The following TCERG1 variants were observed in gnomAD, a reference collection of about 807,000 sequenced individuals.
TCERG1 encodes TATA box binding protein (TBP)-associated factor, RNA polymerase II, S, 150kD.
A neutral mutation model predicts 144.7 loss-of-function variants in TCERG1; 37 were observed. That is an observed-to-expected ratio of 0.26 (90% CI 0.20 to 0.34). TCERG1 has a LOEUF of 0.34. Among genes scored for constraint, TCERG1 ranks in the 10% least tolerant of loss-of-function variants. The pLI is 1.00. For synonymous variants in TCERG1, 492 were observed against 458.2 expected, an observed-to-expected ratio of 1.07 and a Z score of -0.94; for missense variants, 1,027 against 1,380.7, an observed-to-expected ratio of 0.74 and a Z score of 4.06.
intron 17 of TCERG1, chr5:146,499,806 G>GTTATATTTA (rs1238989020): frequency 1.3e-5 from 2 of 152,050 alleles, no homozygotes; most frequent in Non-Finnish European, 2.9e-5. Context: ...ACTATTTTAT[G>GTTATATTTA]TATTCTGTTT....
At chr5:146,483,682 TTTAAATTA>T in intron 15 of TCERG1, 53 bp downstream of exon 15, 1 of 1,309,060 alleles carries the variant, frequency 7.6e-7, no homozygotes, top group Non-Finnish European at 1.1e-6. Flanking sequence ...CAACATAGTT[TTTAAATTA>T]TAAGGAATAA....
At chr5:146,450,583 A>G (rs1762265930) in intron 1 of TCERG1, among the ~76,000 whole-genome samples, 2 of 152,214 alleles carry the variant, frequency 1.3e-5, no homozygotes, top group South Asian at 4.1e-4. Context: ...ACTAAGCACT[A>G]TTCCAAGTAC....
At chr5:146,454,048 A>ATACAAAATAC (rs1762600458) in intron 1 of TCERG1, among the ~76,000 whole-genome samples, 1 of 28,542 alleles carries the variant, frequency 3.5e-5, no homozygotes, top group Non-Finnish European at 1.2e-4. Context: ...AAAAAAAAAA[A>ATACAAAATAC]AAAAAAAAAA....
At chr5:146,477,692 C>CTTTTTTTTT (rs1168989847) in intron 9 of TCERG1, among the ~76,000 whole-genome samples, 4 of 79,386 alleles carry the variant, frequency 5.0e-5, no homozygotes, top group African/African-American at 1.5e-4. Context: ...TGGTACTTTA[C>CTTTTTTTTT]TTTTTTTTTT....
At chr5:146,489,872 G>A (rs1401963723) in intron 15 of TCERG1, among the ~76,000 whole-genome samples, 1 of 152,084 alleles carries the variant, frequency 6.6e-6, no homozygotes, top group African/African-American at 2.4e-5. Flanking sequence ...TGGAAAGCAT[G>A]ACACAAATTA....
intron 3 of TCERG1, 50 bp from the exon 4 acceptor site, chr5:146,458,834 A>G: frequency 1.3e-6 from 2 of 1,550,680 alleles, no homozygotes; most frequent in East Asian, 2.3e-5. Flanking sequence ...CTTGTTTTTA[A>G]TAATAACTGA....
At chr5:146,483,269 A>G (rs932747558) in intron 14 of TCERG1, among the ~76,000 whole-genome samples, 1 of 152,190 alleles carries the variant, frequency 6.6e-6, no homozygotes, top group Non-Finnish European at 1.5e-5. Context: ...TTTCTGATGT[A>G]CTGATTTTTA....
At chr5:146,482,784 G>A in intron 14 of TCERG1, 57 bp downstream of exon 14, 1 of 1,502,198 alleles carries the variant, frequency 6.7e-7, no homozygotes, top group South Asian at 1.4e-5. Flanking sequence ...ATATAAATAT[G>A]TCTTGCTAAA....
At chr5:146,500,017 T>C (rs887789299) in intron 17 of TCERG1, 11 of 152,086 alleles carry the variant, frequency 7.2e-5, no homozygotes, top group Non-Finnish European at 1.2e-4. Context: ...GTGATGAGAA[T>C]TGTGCCCAGA....
chr5:146,461,124 G>C (rs1314776016), intron 4 of TCERG1, among the ~76,000 whole-genome samples: 2 of 152,162 alleles, frequency 1.3e-5, no homozygotes, highest in Non-Finnish European at 2.9e-5. Flanking sequence ...TCTGTTTTCA[G>C]AGTAGTGTGT....
At chr5:146,499,662 T>C (rs2150821011) in intron 17 of TCERG1, 1 of 152,364 alleles carries the variant, frequency 6.6e-6, no homozygotes, top group East Asian at 1.9e-4. Context: ...CTACTTTTGA[T>C]TTTAGAATAA....
chr5:146,452,505 A>C (rs2150177004), intron 1 of TCERG1, among the ~76,000 whole-genome samples: 1 of 152,330 alleles, frequency 6.6e-6, no homozygotes, highest in South Asian at 2.1e-4. Context: ...TACTATGTAC[A>C]GATCTATGTG....
intron 15 of TCERG1, among the ~76,000 whole-genome samples, chr5:146,490,392 G>A (rs1267195266): frequency 6.6e-6 from 1 of 152,144 alleles, no homozygotes; most frequent in African/African-American, 2.4e-5. Flanking sequence ...TTTCCTTTTT[G>A]TAGCTTCTTG....
intron 16 of TCERG1, among the ~76,000 whole-genome samples, chr5:146,494,970 T>C (rs1485412588): frequency 6.6e-6 from 1 of 152,336 alleles, no homozygotes; most frequent in East Asian, 1.9e-4. Flanking sequence ...ATAAGTCATA[T>C]GAAAACATCT....
At chr5:146,469,863 A>G (rs10068201) in intron 7 of TCERG1, 119 bp downstream of exon 7, 210,509 of 669,762 alleles carry the variant, frequency 0.31, 39,172 homozygotes, top group East Asian at 0.86. Context: ...TTACACAGTC[A>G]TTGGATTGTT....
At chr5:146,466,742 C>CA (rs1407404736) in intron 5 of TCERG1, among the ~76,000 whole-genome samples, 5 of 152,174 alleles carry the variant, frequency 3.3e-5, no homozygotes, top group African/African-American at 1.2e-4. Context: ...TGTTGATAGT[C>CA]AAATAGAAGA....
intron 5 of TCERG1, among the ~76,000 whole-genome samples, chr5:146,465,727 G>A (rs1763719289): frequency 6.6e-6 from 1 of 152,060 alleles, no homozygotes; most frequent in African/African-American, 2.4e-5. Flanking sequence ...GAGAGAGTGA[G>A]TGTCATACAA....
At chr5:146,508,085 T>C in intron 21 of TCERG1, 129 bp downstream of exon 21, 1 of 525,188 alleles carries the variant, frequency 1.9e-6, no homozygotes, top group South Asian at 4.5e-5. Context: ...GTATGAGAAG[T>C]AAATCTGAAT....
chr5:146,468,638 C>G (rs765293594), intron 6 of TCERG1, among the ~76,000 whole-genome samples: 1 of 152,116 alleles, frequency 6.6e-6, no homozygotes, highest in Non-Finnish European at 1.5e-5. Context: ...CACTTTATAT[C>G]TTAATTTATG....
Sources: gnomAD v4.1 joint callset for allele counts (sites outside exome capture counted in the v4.1 genomes callset) on GRCh38, gnomAD v4.1.1 for gene constraint, MANE v1.5 for transcripts, NCBI Gene and HGNC (gene_info 2026-07-23, HGNC 2026-07-21) for gene names.